The following MGST1 variants were observed in gnomAD, a reference collection of about 807,000 sequenced individuals.
The protein encoded by MGST1 is glutathione S-transferase 12.
MGST1 carries 5 observed loss-of-function variants against 8.9 expected under a neutral mutation model. That is an observed-to-expected ratio of 0.56 (90% CI 0.29 to 1.19). The LOEUF is 1.19. MGST1 is among the 50% of genes most tolerant of loss of function. The pLI is 0.08. For synonymous variants in MGST1, 54 were observed against 67.8 expected (o/e 0.80, Z 1.00); for missense variants, 182 against 187.4 (o/e 0.97, Z 0.17).
chr12:16,398,173 AAAAC>A (rs1213837048), intron 1 of MGST1, among the ~76,000 whole-genome samples: 2 of 152,112 alleles, frequency 1.3e-5, no homozygotes, highest in African/African-American at 2.4e-5. Flanking sequence ...CTAAGGAGAA[AAAAC>A]AAACAAACAT....
At chr12:16,493,716 C>T (rs1282678931) in intron 4 of MGST1, among the ~76,000 whole-genome samples, 1 of 152,012 alleles carries the variant, frequency 6.6e-6, no homozygotes, top group Non-Finnish European at 1.5e-5. Context: ...TTAGTTTAGC[C>T]CCATACCAAC....
chr12:16,513,841 G>T lies in MGST1; in HGVS notation n.483-75687G>T, dbSNP rs1370958745. The stretch of plus-strand genomic sequence containing the variant: ...GCAAAGATTTCTTAAGTTCAGCCAA[G>T]ATGTCTTTCTGCCCAAACCAACCTG... On this transcript the variant is annotated intron_variant and non_coding_transcript_variant, in intron 4 of 4. Transcript: ENST00000538857. This position sits in a 1 kb window ranked among gnomAD's most constrained non-coding sequence, Gnocchi z 4.2. The T allele has an allele frequency of 9.8e-6, 6 of 611,024 alleles. No individual in the cohort carries two copies. The highest frequency in any genetic ancestry group is 1.8e-5 in the African/African-American group (1 of 54,144). 37.9% of individuals were successfully genotyped at this position (611,024 alleles called of 1,614,324 possible). A position where few individuals can be genotyped will look rare whatever the true frequency, so the allele number is the denominator to read the frequency against.
chr12:16,391,331 G>A (rs543799224), intron 1 of MGST1, among the ~76,000 whole-genome samples: 3 of 72,196 alleles, frequency 4.2e-5, no homozygotes, highest in African/African-American at 1.6e-4. Context: ...CCCACCCCCC[G>A]ACAGGCCCTG....
Position 16,429,112 on chromosome 12 carries a change from C to G in MGST1, n.779-8276C>G, listed in dbSNP as rs1044602903. On this transcript the variant is annotated intron_variant and non_coding_transcript_variant, in intron 1 of 1. Transcript: ENST00000359720. ...TTTTGAACATCGTTAAATTCCAGCACCTTCTGAATTTATTTATCTTATTTA... is the reference window on the plus strand; with the variant it reads ...TTTTGAACATCGTTAAATTCCAGCAGCTTCTGAATTTATTTATCTTATTTA... 1.1e-4 allele frequency among the ~76,000 whole-genome samples: 17 copies of G among 152,182 alleles called. No individual in the cohort carries two copies. In the East Asian group the frequency reaches 3.3e-3, roughly 29 times the overall value.
intron 4 of MGST1, among the ~76,000 whole-genome samples, chr12:16,551,610 C>A (rs1591762671): frequency 4.1e-5 from 6 of 147,182 alleles, no homozygotes; most frequent in South Asian, 2.1e-4. Flanking sequence ...TTTTTTTAAA[C>A]CACACTGGAA....
intron 4 of MGST1, among the ~76,000 whole-genome samples, chr12:16,534,952 C>T (rs1231670595): frequency 6.6e-6 from 1 of 152,132 alleles, no homozygotes; most frequent in African/African-American, 2.4e-5. Context: ...TTCTCGGGTG[C>T]TGCTCTTCAC....
At chr12:16,466,927 C>T (rs1941259276) in intron 4 of MGST1, among the ~76,000 whole-genome samples, 1 of 151,948 alleles carries the variant, frequency 6.6e-6, no homozygotes, top group Non-Finnish European at 1.5e-5. Context: ...CTGATAATCC[C>T]AGTTTTATGT....
intron 1 of MGST1, among the ~76,000 whole-genome samples, chr12:16,430,034 A>G (rs1940925087): frequency 6.6e-6 from 1 of 152,324 alleles, no homozygotes; most frequent in East Asian, 1.9e-4. Context: ...GTAATATTCT[A>G]AATCCTTTGT....
At chr12:16,530,154 A>G (rs1453675855) in intron 4 of MGST1, among the ~76,000 whole-genome samples, 1 of 152,148 alleles carries the variant, frequency 6.6e-6, no homozygotes, top group Non-Finnish European at 1.5e-5. Context: ...AAAAGAAATC[A>G]TATAAAACGT....
intron 4 of MGST1, among the ~76,000 whole-genome samples, chr12:16,508,592 G>C (rs1320163361): frequency 7.9e-5 from 12 of 152,132 alleles, no homozygotes; most frequent in Non-Finnish European, 1.8e-4. Flanking sequence ...AAACAATTCA[G>C]ACTGACTATT....
At chr12:16,417,263 T>G (rs898568184) in intron 1 of MGST1, among the ~76,000 whole-genome samples, 2 of 152,012 alleles carry the variant, frequency 1.3e-5, no homozygotes, top group Non-Finnish European at 2.9e-5. Context: ...GAGAGGGAAG[T>G]GCAAGCAGGA....
intron 1 of MGST1, among the ~76,000 whole-genome samples, chr12:16,406,434 C>T (rs1422961064): frequency 6.6e-6 from 1 of 152,170 alleles, no homozygotes; most frequent in Non-Finnish European, 1.5e-5. Flanking sequence ...AATGGAAAAA[C>T]ATTCCATTCT....
intron 4 of MGST1, among the ~76,000 whole-genome samples, chr12:16,489,715 A>T (rs77376336): frequency 0.012 from 1,852 of 152,294 alleles, 37 homozygotes; most frequent in African/African-American, 0.042. Flanking sequence ...GAGCAGGCAG[A>T]GACACTTTTT....
intron 1 of MGST1, among the ~76,000 whole-genome samples, chr12:16,421,505 C>T (rs2137084181): frequency 6.6e-6 from 1 of 152,236 alleles, no homozygotes; most frequent in Non-Finnish European, 1.5e-5. Flanking sequence ...TTACTGAGGA[C>T]ATAATAAAAT....
chr12:16,356,173 A>G (rs1411804434), intron 2 of MGST1, among the ~76,000 whole-genome samples: 1 of 152,208 alleles, frequency 6.6e-6, no homozygotes. Flanking sequence ...GCTTTAACAT[A>G]CAAGTTTTAG....
At chr12:16,501,989 A>G (rs980809821) in intron 4 of MGST1, among the ~76,000 whole-genome samples, 14 of 152,178 alleles carry the variant, frequency 9.2e-5, no homozygotes, top group African/African-American at 3.1e-4. Context: ...TCAATATTTA[A>G]ACAGAAGTGA....
intron 3 of MGST1, among the ~76,000 whole-genome samples, chr12:16,374,657 G>C (rs544406694): frequency 1.6e-4 from 24 of 152,172 alleles, no homozygotes; most frequent in Non-Finnish European, 3.4e-4. Flanking sequence ...GTTATTTATT[G>C]AAGCACCATT....
chr12:16,418,557 T>C (rs1281955039), intron 1 of MGST1, among the ~76,000 whole-genome samples: 1 of 152,166 alleles, frequency 6.6e-6, no homozygotes, highest in East Asian at 1.9e-4. Flanking sequence ...CTCACCTCTG[T>C]TGTACCCAGA....
chr12:16,557,515 T>A (rs1232490640), intron 4 of MGST1, among the ~76,000 whole-genome samples: 1 of 152,092 alleles, frequency 6.6e-6, no homozygotes, highest in Non-Finnish European at 1.5e-5. Context: ...CTTCAAACTG[T>A]TATATACCTT....
Sources: allele counts gnomAD v4.1 joint callset (sites outside exome capture counted in the v4.1 genomes callset), GRCh38; gene constraint gnomAD v4.1.1; non-coding constraint Gnocchi (gnomAD v3.1); transcripts MANE v1.5; gene names NCBI Gene and HGNC (gene_info 2026-07-23, HGNC 2026-07-21).